The following AKAP13 variants were observed in gnomAD, a reference collection of about 807,000 sequenced individuals.
The protein encoded by AKAP13 is A-kinase anchor protein 13.
In AKAP13, 80 loss-of-function variants were observed where a neutral mutation model predicts 264.5. That is an observed-to-expected ratio of 0.30 (90% confidence interval 0.25 to 0.36). The LOEUF (loss-of-function observed/expected upper bound fraction) is 0.36. Ranked by LOEUF, AKAP13 falls within the 10% of genes least tolerant of loss-of-function variation. The pLI, the probability that AKAP13 is intolerant of heterozygous loss-of-function variation, is 1.00. For synonymous variants in AKAP13, 1,380 were observed against 1,250.2 expected, an observed-to-expected ratio of 1.10 and a Z score of -2.19; for missense variants, 3,712 against 3,435.2, an observed-to-expected ratio of 1.08 and a Z score of -2.01.
At chr15:85,742,610 C>G (rs147260664) in intron 35 of AKAP13, among the ~76,000 whole-genome samples, 15 of 152,242 alleles carry the variant, frequency 9.9e-5, no homozygotes, top group African/African-American at 3.1e-4. Flanking sequence ...ACCTCTCTTT[C>G]TCTATAGCTG....
intron 8 of AKAP13, chr15:85,619,628 C>G (rs757460572): frequency 2.0e-4 from 196 of 985,928 alleles, no homozygotes; most frequent in Non-Finnish European, 2.3e-4. Context: ...TCCTTTCTTT[C>G]TCTCCCTCTT....
intron 19 of AKAP13, among the ~76,000 whole-genome samples, chr15:85,714,812 C>A (rs894044231): frequency 6.6e-6 from 1 of 152,036 alleles, no homozygotes; most frequent in South Asian, 2.1e-4. Flanking sequence ...ATTAAAAATA[C>A]AAAAATTAGC....
At chr15:85,385,598 CT>C (rs1321904041) in intron 1 of AKAP13, among the ~76,000 whole-genome samples, 4 of 152,128 alleles carry the variant, frequency 2.6e-5, no homozygotes, top group Non-Finnish European at 5.9e-5. Flanking sequence ...GGTTTTTTGC[CT>C]TTTCAAGAAT....
intron 5 of AKAP13, among the ~76,000 whole-genome samples, chr15:85,557,130 C>G (rs964365641): frequency 2.0e-5 from 3 of 152,156 alleles, no homozygotes; most frequent in South Asian, 4.1e-4. Flanking sequence ...TTTCTTTCTG[C>G]TCATTAATCC....
chr15:85,578,350 A>G (rs1447206647), intron 6 of AKAP13, among the ~76,000 whole-genome samples: 7 of 152,022 alleles, frequency 4.6e-5, no homozygotes, highest in Admixed American at 4.6e-4. Context: ...AGACTCTTTT[A>G]TTTTTATTTT....
intron 5 of AKAP13, among the ~76,000 whole-genome samples, chr15:85,544,323 CAT>C (rs1397921497): frequency 2.6e-5 from 4 of 152,166 alleles, no homozygotes; most frequent in Admixed American, 1.3e-4. Context: ...TTTCCTATAT[CAT>C]ATATTTTTTT....
intron 16 of AKAP13, among the ~76,000 whole-genome samples, chr15:85,691,682 C>T (rs895639202): frequency 2.6e-5 from 4 of 152,198 alleles, no homozygotes; most frequent in African/African-American, 9.6e-5. Flanking sequence ...TTCACCCAGT[C>T]TCATGTCTCA....
intron 1 of AKAP13, among the ~76,000 whole-genome samples, chr15:85,468,253 G>A (rs6497190): frequency 0.67 from 102,068 of 151,966 alleles, 35,993 homozygotes; most frequent in Non-Finnish European, 0.79. Flanking sequence ...AATAGCCTGA[G>A]TATACTGTCT....
chr15:85,536,968 T>C (rs1176198512), intron 4 of AKAP13: 1 of 152,200 alleles, frequency 6.6e-6, no homozygotes, highest in Non-Finnish European at 1.5e-5. Flanking sequence ...AATTTTATTG[T>C]ACATATATTT....
intron 1 of AKAP13, among the ~76,000 whole-genome samples, chr15:85,399,527 AAAATAAAAAAATAAAT>A (rs2071313786): frequency 1.1e-4 from 13 of 114,762 alleles, no homozygotes; most frequent in East Asian, 4.6e-4. Context: ...AAAAAATAAA[AAAATAAAAAAATAAAT>A]AAATAAATAA....
chr15:85,621,035 A>T (rs2081163377), intron 8 of AKAP13, among the ~76,000 whole-genome samples: 1 of 152,240 alleles, frequency 6.6e-6, no homozygotes, highest in Non-Finnish European at 1.5e-5. Flanking sequence ...TCAGTAACTG[A>T]ACTTGTGAGG....
rs11296113 is a variant in AKAP13, at chr15:85,671,433, CAAAAAAAAAAAA to C, written c.5101+1617_5101+1628del. Among the ~76,000 whole-genome samples, 243 of 70,590 alleles carry C rather than the reference CAAAAAAAAAAAA, an allele frequency of 3.4e-3. 3 individuals carry two copies. In the Middle Eastern group the frequency reaches 0.055, roughly 16 times the overall value. 46.3% of individuals were successfully genotyped at this position (70,590 alleles called of 152,430 possible). ...TGGGTGATAGAGTGAGACACTGCCT[CAAAAAAAAAAAA>C]AAAAAAAAAAAAAGAGAGAGAGAGA... On this transcript the variant is annotated intron_variant, in intron 14 of 36. Transcript: ENST00000394518.
intron 1 of AKAP13, among the ~76,000 whole-genome samples, chr15:85,453,352 G>A (rs558464618): frequency 1.3e-5 from 2 of 152,006 alleles, no homozygotes; most frequent in Admixed American, 6.5e-5. Context: ...AGCCACCCAC[G>A]TAACAGTGGG....
intron 8 of AKAP13, among the ~76,000 whole-genome samples, chr15:85,612,850 A>G (rs886259237): frequency 6.6e-6 from 1 of 151,986 alleles, no homozygotes; most frequent in Non-Finnish European, 1.5e-5. Context: ...AAAAGAAAGA[A>G]AAAGTAAATG....
intron 8 of AKAP13, among the ~76,000 whole-genome samples, chr15:85,617,986 A>G (rs2081015819): frequency 6.6e-6 from 1 of 152,192 alleles, no homozygotes; most frequent in Admixed American, 6.5e-5. Flanking sequence ...TTCACTGCAC[A>G]TGTTGGTACC....
intron 1 of AKAP13, among the ~76,000 whole-genome samples, chr15:85,452,040 G>T (rs181341999): frequency 6.6e-6 from 1 of 151,936 alleles, no homozygotes; most frequent in Admixed American, 6.6e-5. Flanking sequence ...ATAATTTCTC[G>T]GAGGTTTTGT....
chr15:85,400,433 A>C (rs1360195594), intron 1 of AKAP13, among the ~76,000 whole-genome samples: 1 of 152,198 alleles, frequency 6.6e-6, no homozygotes, highest in East Asian at 1.9e-4. Flanking sequence ...TAAAAAACAA[A>C]ATTTAGTTCT....
intron 2 of AKAP13, among the ~76,000 whole-genome samples, chr15:85,497,344 C>T (rs146030668): frequency 1.3e-5 from 2 of 152,134 alleles, no homozygotes; most frequent in Admixed American, 6.6e-5. Flanking sequence ...TGCTGCTAGA[C>T]GAGCTGTGCA....
chr15:85,693,314 A>G lies in AKAP13; in HGVS notation c.5327A>G (p.Glu1776Gly). The G allele has an allele frequency of 1.2e-6, 2 of 1,607,586 alleles. No homozygotes were observed. The highest frequency in any genetic ancestry group is 1.7e-5 in the Admixed American group (1 of 57,826). The change falls in exon 17 of 37, where the codon GAG becomes GGG. Residue 1776 changes from glutamate (E) to glycine (G), a missense_variant. Coordinates refer to ENST00000394518, the MANE Select transcript of AKAP13 (RefSeq NM_007200.5). Reference protein sequence around the residue: ...EKEKDKIKEKEKDSKDKEKDK... With the variant: ...EKEKDKIKEKGKDSKDKEKDK... Reference sequence around the variant, plus strand: ...GAAAAAGATAAGATTAAGGAGAAGGAGAAAGATTCTAAAGACAAGGAGAAA... The same window carrying G: ...GAAAAAGATAAGATTAAGGAGAAGGGGAAAGATTCTAAAGACAAGGAGAAA...
Sources: gnomAD v4.1 joint callset for allele counts (sites outside exome capture counted in the v4.1 genomes callset) on GRCh38, gnomAD v4.1.1 for gene constraint, MANE v1.5 for transcripts, NCBI Gene and HGNC (gene_info 2026-07-23, HGNC 2026-07-21) for gene names.